ANKRD66: variants seen among roughly 807,000 people sequenced by gnomAD.
ANKRD66 encodes ankyrin repeat domain 66, also known as ankyrin repeat domain-containing protein 66.
Under a neutral mutation model 10.9 loss-of-function variants are expected in ANKRD66, and 10 were observed. That is an observed-to-expected ratio of 0.91 (90% CI 0.56 to 1.55). ANKRD66 has a LOEUF of 1.55. Among genes scored for constraint, ANKRD66 ranks in the 40% most tolerant of loss-of-function variants. The pLI, the probability that ANKRD66 is intolerant of heterozygous loss-of-function variation, is 0.00. For missense variants in ANKRD66, 252 were observed against 242.9 expected (o/e 1.04, Z -0.25); for synonymous variants, 85 against 88.4 (o/e 0.96, Z 0.22).
At chr6:46,756,440 T>C (rs1766385878) in intron 4 of ANKRD66, 1 of 160,884 alleles carries the variant, frequency 6.2e-6, no homozygotes, top group Non-Finnish European at 1.4e-5. Flanking sequence ...TGTTTTTCTC[T>C]CAAAAAGGCA....
chr6:46,752,168 A>G, intron 3 of ANKRD66, 57 bp downstream of exon 3: 1 of 1,365,054 alleles, frequency 7.3e-7, no homozygotes, highest in Non-Finnish European at 9.5e-7. Flanking sequence ...TCATGAGGCT[A>G]TCAATCAGTA....
At chr6:46,750,907 G>T (rs781594546) in intron 2 of ANKRD66, among the ~76,000 whole-genome samples, 1 of 151,938 alleles carries the variant, frequency 6.6e-6, no homozygotes, top group Non-Finnish European at 1.5e-5. Context: ...CTACCAAATG[G>T]ATCTCTTTAT....
chr6:46,753,578 G>A (rs1341306919), intron 3 of ANKRD66, 144 bp from the exon 4 acceptor site: 2 of 733,850 alleles, frequency 2.7e-6, no homozygotes, highest in Non-Finnish European at 4.4e-6. Flanking sequence ...AGGGAAAAGG[G>A]AGGAGGGGAT....
At chr6:46,747,913 A>C (rs1178695015) in intron 1 of ANKRD66, among the ~76,000 whole-genome samples, 1 of 152,106 alleles carries the variant, frequency 6.6e-6, no homozygotes, top group Admixed American at 6.5e-5. Context: ...AGAGCAACGG[A>C]GTAGATCTGA....
Position 46,749,954 on chromosome 6 carries a change from GA to G in ANKRD66, c.-37del. 2.0e-6 allele frequency: 3 copies of G among 1,520,384 alleles called. No individual in the cohort carries two copies. Among genetic ancestry groups the G allele is most frequent in the Non-Finnish European group, 2.7e-6 (3 of 1,118,674 alleles). The allele number at this position is 1,520,384 out of a possible 1,614,324, so 94.2% of individuals were successfully genotyped here. ...GGGCTTACCACAACAAAGATGGCCG[GA>G]CCCCTGCCCAGAGTTTCAGATTCTG... On this transcript the variant is annotated 5_prime_UTR_variant, in exon 2 of 5. Transcript: ENST00000565422.
intron 3 of ANKRD66, 69 bp downstream of exon 3, chr6:46,752,180 G>A (rs1347417551): frequency 7.5e-7 from 1 of 1,338,860 alleles, no homozygotes; most frequent in Non-Finnish European, 9.7e-7. Flanking sequence ...CAATCAGTAG[G>A]CTATGTGGGG....
intron 4 of ANKRD66, 94 bp from the exon 5 acceptor site, chr6:46,758,629 A>C: frequency 2.4e-6 from 3 of 1,247,624 alleles, no homozygotes; most frequent in Non-Finnish European, 3.2e-6. Flanking sequence ...TCTCAACTGA[A>C]CTGCGGTGTG....
At chr6:46,752,804 T>C (rs933753825) in intron 3 of ANKRD66, among the ~76,000 whole-genome samples, 7 of 152,318 alleles carry the variant, frequency 4.6e-5, no homozygotes, top group East Asian at 1.9e-4. Flanking sequence ...TCATTCCTCA[T>C]TGAATCCCCC....
At chr6:46,748,328 C>T (rs1766189107) in intron 1 of ANKRD66, among the ~76,000 whole-genome samples, 1 of 152,124 alleles carries the variant, frequency 6.6e-6, no homozygotes, top group Non-Finnish European at 1.5e-5. Flanking sequence ...ACTTGAATTG[C>T]AACTCACCCA....
chr6:46,750,254 C>G (rs1246825463), intron 2 of ANKRD66, among the ~76,000 whole-genome samples: 2 of 152,032 alleles, frequency 1.3e-5, no homozygotes, highest in Non-Finnish European at 2.9e-5. Context: ...CCCCAGAGAG[C>G]TTTTGTTTAT....
chr6:46,748,024 T>A (rs1592704), intron 1 of ANKRD66, among the ~76,000 whole-genome samples: 31,240 of 152,132 alleles, frequency 0.21, 3,571 homozygotes, highest in South Asian at 0.48. Context: ...TAAAAGTAAG[T>A]CTTAAAACTA....
At chr6:46,757,191 G>C (rs997123695) in intron 4 of ANKRD66, 2 of 152,154 alleles carry the variant, frequency 1.3e-5, no homozygotes, top group African/African-American at 2.4e-5. Context: ...AGCGTTTAGG[G>C]AGAAGAATCC....
chr6:46,749,030 C>A (rs115194737), intron 1 of ANKRD66, among the ~76,000 whole-genome samples: 2 of 152,316 alleles, frequency 1.3e-5, no homozygotes, highest in East Asian at 3.9e-4. Flanking sequence ...ACCCCACTTT[C>A]GTAGGCCCGT....
intron 2 of ANKRD66, 140 bp from the exon 3 acceptor site, chr6:46,751,797 C>A: frequency 1.2e-6 from 1 of 817,736 alleles, no homozygotes; most frequent in Non-Finnish European, 1.7e-6. Flanking sequence ...TAAGGACACA[C>A]TCATGCCACA....
chr6:46,758,307 G>C (rs1455204466), intron 4 of ANKRD66: 2 of 156,914 alleles, frequency 1.3e-5, no homozygotes, highest in Non-Finnish European at 2.8e-5. Flanking sequence ...GTGATTGTGA[G>C]TGATTCTCAT....
Position 46,749,976 on chromosome 6 carries a change from T to A in ANKRD66, c.-16T>A. The A allele has an allele frequency of 1.4e-6, 2 of 1,430,004 alleles. No homozygotes were observed. The highest frequency in any genetic ancestry group is 1.9e-6 in the Non-Finnish European group (2 of 1,036,386). The allele number at this position is 1,430,004 out of a possible 1,614,324, so 88.6% of individuals were successfully genotyped here. On this transcript the variant is annotated 5_prime_UTR_variant, in exon 2 of 5. Coordinates refer to ENST00000565422, the MANE Select transcript of ANKRD66 (RefSeq NM_001162435.3). ...CCGGACCCCTGCCCAGAGTTTCAGA[T>A]TCTGTAAGTCTGGGGCTGAGCACAA...
intron 3 of ANKRD66, 89 bp from the exon 4 acceptor site, chr6:46,753,633 C>G (rs1246865191): frequency 1.6e-6 from 2 of 1,284,768 alleles, no homozygotes; most frequent in Non-Finnish European, 1.1e-6. Context: ...GTTTCCCCTT[C>G]TATTGTGTTA....
chr6:46,751,210 A>G (rs1193351657), intron 2 of ANKRD66, among the ~76,000 whole-genome samples: 2 of 152,190 alleles, frequency 1.3e-5, no homozygotes, highest in Non-Finnish European at 2.9e-5. Context: ...GCAGTTTTCT[A>G]CACTATTGCT....
In ANKRD66 at chr6:46,759,076, T is replaced by G. The variant is rs1582609433; in HGVS notation, c.*155T>G. 1.6e-6 allele frequency: 1 copy of G among 638,546 alleles called. No individual in the cohort carries two copies. The highest frequency in any genetic ancestry group is 2.5e-6 in the Non-Finnish European group (1 of 392,316). The allele number at this position is 638,546 out of a possible 1,614,324, so 39.6% of individuals were successfully genotyped here. On this transcript the variant is annotated 3_prime_UTR_variant, in exon 5 of 5. Coordinates refer to ENST00000565422, the MANE Select transcript of ANKRD66 (RefSeq NM_001162435.3). The stretch of plus-strand genomic sequence containing the variant: ...ATTAGGTGCTGTCCACATGGGCTGT[T>G]GTTTCCTGGCTAGCACCTACTGTGT...
Sources: allele counts gnomAD v4.1 joint callset (sites outside exome capture counted in the v4.1 genomes callset), GRCh38; gene constraint gnomAD v4.1.1; transcripts MANE v1.5; gene names NCBI Gene and HGNC (gene_info 2026-07-23, HGNC 2026-07-21).